The following ZNF385D variants were observed in gnomAD, a reference collection of about 807,000 sequenced individuals.
ZNF385D encodes zinc finger protein 385D, also known as zinc finger protein 659.
Under a neutral mutation model 35.8 loss-of-function variants are expected in ZNF385D, and 15 were observed. That is an observed-to-expected ratio of 0.42 (90% CI 0.28 to 0.64). ZNF385D has a LOEUF of 0.64. Among genes scored for constraint, ZNF385D ranks in the 30% least tolerant of loss-of-function variants. ZNF385D has a pLI of 0.23. For missense variants in ZNF385D, 474 were observed against 494.6 expected (o/e 0.96, Z 0.39); for synonymous variants, 212 against 186.8 (o/e 1.13, Z -1.10).
chr3:22,342,023 C>T (rs953985565), intron 2 of ZNF385D, among the ~76,000 whole-genome samples: 2 of 151,952 alleles, frequency 1.3e-5, no homozygotes, highest in African/African-American at 2.4e-5. Flanking sequence ...CGTCTGTAAT[C>T]CCAGCACTTT....
chr3:21,713,122 CCT>C (rs1181872165), intron 1 of ZNF385D, among the ~76,000 whole-genome samples: 2 of 152,256 alleles, frequency 1.3e-5, no homozygotes, highest in African/African-American at 2.4e-5. Flanking sequence ...TAAGATGGCT[CCT>C]CTGTTTCCAT....
chr3:21,850,391 TAGTGA>T (rs1419872269), intron 3 of ZNF385D, among the ~76,000 whole-genome samples: 6 of 152,042 alleles, frequency 3.9e-5, no homozygotes, highest in Admixed American at 2.6e-4. Context: ...GAAGATGGGA[TAGTGA>T]AGGAAGGCCA....
chr3:21,601,583 T>G lies in ZNF385D; in HGVS notation c.166-36899A>C, dbSNP rs138145740. 5.9e-5 allele frequency among the ~76,000 whole-genome samples: 9 copies of G among 152,366 alleles called. No individual in the cohort carries two copies. The East Asian group carries it at 1.7e-3, about 29-fold the overall frequency. The stretch of plus-strand genomic sequence containing the variant: ...AGCAACTTCTTCACTTTTATAAGGT[T>G]GCTAGAAGTGAAATCATCTAAGGAA... On this transcript the variant is annotated intron_variant, in intron 2 of 7. Coordinates refer to ENST00000281523, the MANE Select transcript of ZNF385D (RefSeq NM_024697.3).
intron 3 of ZNF385D, among the ~76,000 whole-genome samples, chr3:22,031,617 C>T (rs1698007966): frequency 1.3e-5 from 2 of 152,146 alleles, no homozygotes; most frequent in African/African-American, 4.8e-5. Context: ...CCATTTTTTC[C>T]CTCCTATGAT....
At chr3:22,203,677 C>T (rs1320557753) in intron 2 of ZNF385D, among the ~76,000 whole-genome samples, 3 of 152,076 alleles carry the variant, frequency 2.0e-5, no homozygotes, top group East Asian at 1.9e-4. Flanking sequence ...CTTAAGTGAA[C>T]ATCAGCAGTG....
At chr3:22,158,592 T>C (rs1402565899) in intron 3 of ZNF385D, among the ~76,000 whole-genome samples, 2 of 151,128 alleles carry the variant, frequency 1.3e-5, no homozygotes, top group Non-Finnish European at 2.9e-5. Context: ...AATTACTTTC[T>C]GATCTCTCCT....
intron 2 of ZNF385D, among the ~76,000 whole-genome samples, chr3:21,623,044 T>A (rs574734885): frequency 6.6e-6 from 1 of 152,226 alleles, no homozygotes; most frequent in South Asian, 2.1e-4. Context: ...CAGTATAACA[T>A]GTTCGAGCAC....
At chr3:22,066,577 T>C (rs1332236553) in intron 3 of ZNF385D, among the ~76,000 whole-genome samples, 2 of 120,930 alleles carry the variant, frequency 1.7e-5, no homozygotes, top group East Asian at 5.2e-4. Context: ...TGTGTGTGTG[T>C]GTGTAAGTAA....
At chr3:21,770,636 T>C (rs2071035017) in intron 3 of ZNF385D, among the ~76,000 whole-genome samples, 1 of 152,220 alleles carries the variant, frequency 6.6e-6, no homozygotes. Context: ...TTTACACTGT[T>C]GGTGGGACTG....
chr3:22,334,105 T>C (rs1159490507), intron 2 of ZNF385D, among the ~76,000 whole-genome samples: 1 of 152,226 alleles, frequency 6.6e-6, no homozygotes. Flanking sequence ...ATGTCTCTTA[T>C]AAGTCCATAT....
intron 3 of ZNF385D, among the ~76,000 whole-genome samples, chr3:21,979,316 T>A (rs1694268798): frequency 6.6e-6 from 1 of 152,220 alleles, no homozygotes; most frequent in African/African-American, 2.4e-5. Flanking sequence ...CACATGTCAC[T>A]ATTAATCATA....
intron 3 of ZNF385D, among the ~76,000 whole-genome samples, chr3:21,799,840 G>A (rs758522813): frequency 5.9e-5 from 9 of 152,068 alleles, no homozygotes; most frequent in African/African-American, 1.4e-4. Context: ...CTAAGACAAT[G>A]AAGATTTTCC....
At position 22,222,656 on chromosome 3, in the gene ZNF385D, T is replaced by C. The variant is rs1350013416; in HGVS notation, c.107-53621A>G. Reference sequence around the variant, plus strand: ...CTCTGAAGCTCAGTGTTTTCATCTGTAATATGGGAATAACAATAATCCACC... The same window carrying C: ...CTCTGAAGCTCAGTGTTTTCATCTGCAATATGGGAATAACAATAATCCACC... On this transcript the variant is annotated intron_variant, in intron 2 of 5. Transcript: ENST00000494108. Among the ~76,000 whole-genome samples the C allele has an allele frequency of 2.6e-5, 4 of 152,178 alleles. No homozygotes were observed. The South Asian group carries it at 6.2e-4, about 24-fold the overall frequency.
chr3:21,865,762 AC>A (rs2125837622), intron 3 of ZNF385D, among the ~76,000 whole-genome samples: 1 of 152,250 alleles, frequency 6.6e-6, no homozygotes, highest in Non-Finnish European at 1.5e-5. Context: ...TGAAATACCA[AC>A]ATACCTGAAA....
At chr3:22,264,776 T>G (rs1423620208) in intron 2 of ZNF385D, among the ~76,000 whole-genome samples, 4 of 151,942 alleles carry the variant, frequency 2.6e-5, no homozygotes, top group Non-Finnish European at 4.4e-5. Flanking sequence ...AGCAATGAAC[T>G]GCATTGAAAT....
intron 3 of ZNF385D, among the ~76,000 whole-genome samples, chr3:22,131,442 G>A (rs1390823227): frequency 6.6e-6 from 1 of 152,024 alleles, no homozygotes. Flanking sequence ...GAATAGGTGG[G>A]GTTGAAGTAG....
At chr3:21,974,891 G>T (rs1485709616) in intron 3 of ZNF385D, among the ~76,000 whole-genome samples, 1 of 152,056 alleles carries the variant, frequency 6.6e-6, no homozygotes, top group African/African-American at 2.4e-5. Flanking sequence ...CCAGTTAAAA[G>T]GGTTTTGTCC....
At chr3:22,343,038 C>G (rs530568955) in intron 2 of ZNF385D, among the ~76,000 whole-genome samples, 5 of 152,272 alleles carry the variant, frequency 3.3e-5, no homozygotes, top group African/African-American at 1.2e-4. Context: ...TCAAATATCT[C>G]ATTAATATTG....
intron 3 of ZNF385D, among the ~76,000 whole-genome samples, chr3:21,516,721 C>T (rs548432418): frequency 1.3e-5 from 2 of 152,284 alleles, no homozygotes; most frequent in South Asian, 2.1e-4. Context: ...GGTCATCGTG[C>T]ATGCATACCT....
Sources: allele counts gnomAD v4.1 joint callset (sites outside exome capture counted in the v4.1 genomes callset), GRCh38; gene constraint gnomAD v4.1.1; transcripts MANE v1.5; gene names NCBI Gene and HGNC (gene_info 2026-07-23, HGNC 2026-07-21).